USO1: variants seen among roughly 807,000 people sequenced by gnomAD.
The protein encoded by USO1 is general vesicular transport factor p115.
In USO1, 57 loss-of-function variants were observed where a neutral mutation model predicts 124.5. The ratio of observed to expected loss-of-function variants is 0.46; its 90% confidence interval spans 0.37 to 0.57. The LOEUF (loss-of-function observed/expected upper bound fraction) is 0.57. Ranked by LOEUF, USO1 falls within the 20% of genes least tolerant of loss-of-function variation. The probability of loss-of-function intolerance (pLI) is 0.00; values close to 1 mark genes in which losing one functional copy is unlikely to be tolerated. For synonymous variants in USO1, 369 were observed against 362.8 expected (o/e 1.02, Z -0.19); for missense variants, 900 against 1,040.6 (o/e 0.86, Z 1.86).
intron 12 of USO1, among the ~76,000 whole-genome samples, chr4:75,792,051 A>G (rs1310483895): frequency 6.6e-6 from 1 of 151,726 alleles, no homozygotes; most frequent in Non-Finnish European, 1.5e-5. Flanking sequence ...CATTCCTTCA[A>G]ACATTTAGCC....
intron 4 of USO1, among the ~76,000 whole-genome samples, chr4:75,762,785 A>G (rs991342120): frequency 1.3e-5 from 2 of 152,034 alleles, no homozygotes; most frequent in African/African-American, 4.8e-5. Flanking sequence ...AAAATTAGCC[A>G]GGCGTGGTGG....
chr4:75,805,364 T>C (rs1048895455), intron 19 of USO1, 61 bp downstream of exon 19: 198 of 750,358 alleles, frequency 2.6e-4, no homozygotes, highest in Non-Finnish European at 3.2e-4. Flanking sequence ...TTATCCTGCC[T>C]TTTTTTTTTT....
At chr4:75,760,010 G>A (rs1389521049) in intron 4 of USO1, among the ~76,000 whole-genome samples, 4 of 151,522 alleles carry the variant, frequency 2.6e-5, no homozygotes, top group African/African-American at 9.7e-5. Context: ...TCAGGAGTTC[G>A]AGACCAGTCT....
chr4:75,790,071 AT>A (rs142155815), intron 10 of USO1, 78 bp from the exon 11 acceptor site: 166,203 of 1,336,286 alleles, frequency 0.12, 10,825 homozygotes, highest in Middle Eastern at 0.14. Context: ...AAAAAAAAAG[AT>A]TTTTTTTCTA....
At position 75,745,459 on chromosome 4, in the gene USO1, A is replaced by G. The variant is rs376395278; in HGVS notation, c.67-6914A>G. On this transcript the variant is annotated intron_variant, in intron 1 of 23. Coordinates refer to ENST00000514213, the MANE Select transcript of USO1 (RefSeq NM_003715.4). ...TAGTTCGCAACAGATACTCTGACTCATATTTCTCTACATAGGAGAAAGAGT... is the reference window on the plus strand; with the variant it reads ...TAGTTCGCAACAGATACTCTGACTCGTATTTCTCTACATAGGAGAAAGAGT... 124 of 450,334 alleles carry G rather than the reference A, an allele frequency of 2.8e-4. 1 individual carries two copies. Among genetic ancestry groups the G allele is most frequent in the South Asian group, 1.9e-3 (115 of 61,706 alleles). The allele number at this position is 450,334 out of a possible 1,614,324, so 27.9% of individuals were successfully genotyped here.
intron 8 of USO1, among the ~76,000 whole-genome samples, chr4:75,775,273 T>C (rs918443081): frequency 6.6e-6 from 1 of 152,172 alleles, no homozygotes; most frequent in Admixed American, 6.5e-5. Context: ...GCTTGATGGC[T>C]CATACCTGTA....
At chr4:75,729,134 A>G (rs373605533) in intron 1 of USO1, among the ~76,000 whole-genome samples, 34 of 151,988 alleles carry the variant, frequency 2.2e-4, no homozygotes, top group Non-Finnish European at 2.9e-4. Flanking sequence ...TCTCTTTTTT[A>G]CTTGACACTG....
intron 1 of USO1, among the ~76,000 whole-genome samples, chr4:75,736,070 T>C (rs1424433129): frequency 6.6e-6 from 1 of 152,188 alleles, no homozygotes. Context: ...GTAGCAATTA[T>C]CATTTTTTGA....
At chr4:75,746,733 T>C (rs1441251964) in intron 1 of USO1, among the ~76,000 whole-genome samples, 1 of 152,182 alleles carries the variant, frequency 6.6e-6, no homozygotes, top group East Asian at 1.9e-4. Flanking sequence ...GGCCTCAAGG[T>C]AGCAAAAGTA....
At chr4:75,790,931 A>G in intron 12 of USO1, 134 bp downstream of exon 12, 1 of 1,159,866 alleles carries the variant, frequency 8.6e-7, no homozygotes, top group Non-Finnish European at 1.1e-6. Flanking sequence ...AAACAAAAAC[A>G]CCTGAATTCT....
chr4:75,731,362 G>A (rs10031352), intron 1 of USO1, among the ~76,000 whole-genome samples: 53,546 of 151,942 alleles, frequency 0.35, 11,615 homozygotes, highest in African/African-American at 0.62. Context: ...AGGAGTTTGA[G>A]ACCAGCCTGG....
intron 1 of USO1, among the ~76,000 whole-genome samples, chr4:75,737,442 A>G (rs1471673715): frequency 1.3e-5 from 2 of 152,212 alleles, no homozygotes; most frequent in African/African-American, 4.8e-5. Context: ...TTTCATTAAA[A>G]AGATGGGGGG....
intron 8 of USO1, among the ~76,000 whole-genome samples, chr4:75,781,190 T>C (rs966766369): frequency 1.3e-5 from 2 of 152,130 alleles, no homozygotes; most frequent in Non-Finnish European, 2.9e-5. Context: ...TTCAAGACTT[T>C]AGTGGAGGAA....
At chr4:75,741,666 G>A (rs898914395) in intron 1 of USO1, among the ~76,000 whole-genome samples, 4 of 134,296 alleles carry the variant, frequency 3.0e-5, no homozygotes, top group African/African-American at 5.6e-5. Context: ...GTGCAATGGC[G>A]CAATATCGGC....
intron 8 of USO1, among the ~76,000 whole-genome samples, chr4:75,777,091 T>C: frequency 6.6e-6 from 1 of 152,222 alleles, no homozygotes; most frequent in East Asian, 1.9e-4. Flanking sequence ...GTTTTTAAAA[T>C]TACTTTTCTA....
rs557653429 is a variant in USO1, at chr4:75,814,234, T to C, written c.*939T>C. Reference sequence around the variant, plus strand: ...CTTAATCCTTGGTCATGGTTCCCTTTGTTTACATCTTAAAAGTATTTTATT... The same window carrying C: ...CTTAATCCTTGGTCATGGTTCCCTTCGTTTACATCTTAAAAGTATTTTATT... On this transcript the variant is annotated 3_prime_UTR_variant, in exon 24 of 24. Transcript: ENST00000514213. 9.2e-5 allele frequency: 14 copies of C among 152,320 alleles called. No homozygotes were observed. The highest frequency in any genetic ancestry group is 4.1e-4 in the South Asian group (2 of 4,820). The allele number at this position is 152,320 out of a possible 1,614,324, so 9.4% of individuals were successfully genotyped here.
At chr4:75,736,362 G>C (rs570087017) in intron 1 of USO1, among the ~76,000 whole-genome samples, 139 of 126,222 alleles carry the variant, frequency 1.1e-3, no homozygotes, top group African/African-American at 4.1e-3. Flanking sequence ...CTGTCACCCA[G>C]GCTGGCGCAA....
intron 4 of USO1, among the ~76,000 whole-genome samples, chr4:75,765,617 C>G (rs1380763351): frequency 6.8e-6 from 1 of 146,186 alleles, no homozygotes; most frequent in Non-Finnish European, 1.5e-5. Flanking sequence ...GCAGTTCTTG[C>G]TATGTGCCTG....
intron 12 of USO1, among the ~76,000 whole-genome samples, chr4:75,791,816 A>T (rs1453889571): frequency 6.6e-6 from 1 of 152,186 alleles, no homozygotes; most frequent in African/African-American, 2.4e-5. Flanking sequence ...AAAATTTGGT[A>T]AAAAATTACC....
Sources: allele counts gnomAD v4.1 joint callset (sites outside exome capture counted in the v4.1 genomes callset), GRCh38; gene constraint gnomAD v4.1.1; transcripts MANE v1.5; gene names NCBI Gene and HGNC (gene_info 2026-07-23, HGNC 2026-07-21).